CDK12: variants seen among roughly 807,000 people sequenced by gnomAD.
CDK12 encodes cyclin-dependent kinase 12.
In CDK12, 17 loss-of-function variants were observed where a neutral mutation model predicts 133.8. That is an observed-to-expected ratio of 0.13 (90% CI 0.09 to 0.19). CDK12 has a LOEUF of 0.19. CDK12 is among the 10% of genes least tolerant of loss of function. The pLI is 1.00. For missense variants in CDK12, 1,508 were observed against 1,818.7 expected, an observed-to-expected ratio of 0.83 and a Z score of 3.11; for synonymous variants, 694 against 683.6, an observed-to-expected ratio of 1.02 and a Z score of -0.24.
intron 1 of CDK12, among the ~76,000 whole-genome samples, chr17:39,542,587 ACAAC>A (rs1375380325): frequency 6.6e-6 from 1 of 151,196 alleles, no homozygotes; most frequent in Non-Finnish European, 1.5e-5. Context: ...TTGGCTCACC[ACAAC>A]CTCTGGCCTC....
rs368326427 is a variant in CDK12 at position 39,463,018 on chromosome 17, G to A, written c.947G>A (p.Ser316Asn). The A allele has an allele frequency of 6.2e-7, 1 of 1,614,094 alleles. No homozygotes were observed. The highest frequency in any genetic ancestry group is 8.5e-7 in the Non-Finnish European group (1 of 1,180,050). The change falls in exon 1 of 14, where the codon AGT becomes AAT. Residue 316 changes from serine to asparagine, a missense_variant. By Grantham distance (46) the Ser-to-Asn change is conservative. Around this residue, in one of 9 missense-constraint regions of CDK12, gnomAD observed 460 missense variants for 490.8 expected, o/e 0.94. Coordinates refer to ENST00000447079, the MANE Select transcript of CDK12 (RefSeq NM_016507.4). Reference protein sequence around the residue: ...SRRRSSSYERSGSYSGRSPSP... With the variant: ...SRRRSSSYERNGSYSGRSPSP... Reference sequence around the variant, plus strand: ...AGACGGTCGTCCAGCTACGAAAGAAGTGGCTCTTACAGCGGGCGATCGCCC... The same window carrying A: ...AGACGGTCGTCCAGCTACGAAAGAAATGGCTCTTACAGCGGGCGATCGCCC...
At chr17:39,557,475 C>G (rs2056203713) in intron 3 of CDK12, among the ~76,000 whole-genome samples, 1 of 152,198 alleles carries the variant, frequency 6.6e-6, no homozygotes, top group East Asian at 1.9e-4. Flanking sequence ...GAAAGAAAAA[C>G]TCCTTCTGTC....
intron 13 of CDK12, 187 bp from the exon 14 acceptor site, chr17:39,530,417 G>A (rs1203170134): frequency 5.6e-6 from 4 of 709,208 alleles, no homozygotes; most frequent in Non-Finnish European, 6.4e-6. Context: ...TTAGATCCAG[G>A]ATGCAACTGT....
intron 5 of CDK12, among the ~76,000 whole-genome samples, chr17:39,497,030 A>G (rs1462066146): frequency 6.7e-6 from 1 of 148,268 alleles, no homozygotes; most frequent in Non-Finnish European, 1.5e-5. Context: ...TCCTGGGTTC[A>G]AGTGATTCTC....
At chr17:39,562,907 T>TC (rs1308481944) in intron 3 of CDK12, among the ~76,000 whole-genome samples, 47 of 144,690 alleles carry the variant, frequency 3.2e-4, no homozygotes, top group African/African-American at 1.2e-3. Context: ...CTTTTCTTTT[T>TC]TTTTTTTTTT....
At chr17:39,537,179 G>GA (rs1478488631), downstream of CDK12, among the ~76,000 whole-genome samples, 3 of 152,148 alleles carry the variant, frequency 2.0e-5, no homozygotes, top group African/African-American at 4.8e-5. Flanking sequence ...GACTCTCTAG[G>GA]AGGGGATCCT....
intron 1 of CDK12, among the ~76,000 whole-genome samples, chr17:39,469,994 A>G (rs1402532359): frequency 6.6e-6 from 1 of 152,184 alleles, no homozygotes; most frequent in Non-Finnish European, 1.5e-5. Flanking sequence ...AAAATTCTGA[A>G]AGTAATCATT....
At chr17:39,501,205 TTC>T in intron 5 of CDK12, 43 bp from the exon 6 acceptor site, 3 of 1,317,400 alleles carry the variant, frequency 2.3e-6, no homozygotes, top group Non-Finnish European at 3.1e-6. Context: ...TATTTCAGCA[TTC>T]TTTTTTTTTT....
chr17:39,558,254 C>G (rs914944895), intron 3 of CDK12, among the ~76,000 whole-genome samples: 2 of 152,226 alleles, frequency 1.3e-5, no homozygotes, highest in Admixed American at 6.5e-5. Flanking sequence ...TTACCCCATT[C>G]CTATGCCTCT....
At chr17:39,486,406 G>A (rs1405316637) in intron 2 of CDK12, among the ~76,000 whole-genome samples, 2 of 151,736 alleles carry the variant, frequency 1.3e-5, no homozygotes, top group Admixed American at 1.3e-4. Flanking sequence ...GCTGGGACCA[G>A]AAGTGCATGC....
chr17:39,539,146 A>G (rs1052914354), downstream of CDK12, among the ~76,000 whole-genome samples: 1 of 152,122 alleles, frequency 6.6e-6, no homozygotes, highest in Non-Finnish European at 1.5e-5. Flanking sequence ...AGACCTTCCA[A>G]AACATGTTGA....
chr17:39,465,102 TGGG>T (rs1483903898), intron 1 of CDK12, among the ~76,000 whole-genome samples: 3 of 151,816 alleles, frequency 2.0e-5, no homozygotes, highest in African/African-American at 7.3e-5. Flanking sequence ...AAAAATTAGT[TGGG>T]TGTGGTGGCG....
At chr17:39,540,595 T>C (rs2055359731) in intron 1 of CDK12, among the ~76,000 whole-genome samples, 1 of 152,262 alleles carries the variant, frequency 6.6e-6, no homozygotes, top group African/African-American at 2.4e-5. Context: ...ATGACTAGCC[T>C]GTGGCAGCAT....
chr17:39,474,720 A>G (rs1418882841), intron 2 of CDK12, among the ~76,000 whole-genome samples: 1 of 151,284 alleles, frequency 6.6e-6, no homozygotes, highest in Non-Finnish European at 1.5e-5. Flanking sequence ...GTAAATGGAA[A>G]GGGGGAAAAA....
Position 39,462,019 on chromosome 17 carries a change from C to T in CDK12, c.-53C>T. On this transcript the variant is annotated 5_prime_UTR_variant, in exon 1 of 14. Transcript: ENST00000447079. ...GGGTTGGGGGGGTGGGTGGGGGTTG[C>T]TTTTTGGAGTGCTGGGGAACTTTTT... The T allele has an allele frequency of 6.7e-7, 1 of 1,502,320 alleles. No individual in the cohort carries two copies. The highest frequency in any genetic ancestry group is 9.1e-7 in the Non-Finnish European group (1 of 1,099,146). The allele number at this position is 1,502,320 out of a possible 1,614,324, so 93.1% of individuals were successfully genotyped here. A position where few individuals can be genotyped will look rare whatever the true frequency, so the allele number is the denominator to read the frequency against.
intron 2 of CDK12, among the ~76,000 whole-genome samples, chr17:39,473,086 A>G (rs1370819390): frequency 6.6e-6 from 1 of 152,098 alleles, no homozygotes; most frequent in Non-Finnish European, 1.5e-5. Context: ...AAAAAAAAAA[A>G]AAGCTATCAA....
At chr17:39,523,275 A>C (rs754422045) in intron 11 of CDK12, among the ~76,000 whole-genome samples, 2 of 151,976 alleles carry the variant, frequency 1.3e-5, no homozygotes, top group African/African-American at 2.4e-5. Flanking sequence ...TGAGTTCGAG[A>C]CCAGTTTGGC....
chr17:39,545,249 G>T (rs1251664238), upstream of CDK12, among the ~76,000 whole-genome samples: 1 of 152,196 alleles, frequency 6.6e-6, no homozygotes, highest in Non-Finnish European at 1.5e-5. Context: ...TGCCCAGGCT[G>T]TAGTGCAATG....
chr17:39,512,666 T>C (rs1250985304), intron 8 of CDK12, among the ~76,000 whole-genome samples: 1 of 152,230 alleles, frequency 6.6e-6, no homozygotes, highest in Non-Finnish European at 1.5e-5. Flanking sequence ...GTGGTTATTT[T>C]ATGATGGTCA....
Sources: allele counts gnomAD v4.1 joint callset (sites outside exome capture counted in the v4.1 genomes callset), GRCh38; gene constraint gnomAD v4.1.1; regional missense constraint gnomAD v4.1.1; transcripts MANE v1.5; gene names NCBI Gene and HGNC (gene_info 2026-07-23, HGNC 2026-07-21).